The following NARS2 variants were observed in gnomAD, a reference collection of about 807,000 sequenced individuals.
NARS2 encodes asparaginyl-tRNA synthetase 2, mitochondrial.
In NARS2, 60 loss-of-function variants were observed where a neutral mutation model predicts 62.9. The ratio of observed to expected loss-of-function variants is 0.95; its 90% CI spans 0.77 to 1.18. The LOEUF is 1.18. NARS2 is among the 50% of genes most tolerant of loss of function. The pLI is 0.00. For synonymous variants in NARS2, 196 were observed against 200.0 expected (o/e 0.98, Z 0.17); for missense variants, 619 against 576.4 (o/e 1.07, Z -0.76).
chr11:78,558,118 G>A (rs1487051187), intron 5 of NARS2: 2 of 152,038 alleles, frequency 1.3e-5, no homozygotes, highest in Non-Finnish European at 2.9e-5. Flanking sequence ...AGTGCAAAGA[G>A]AAAATAAACA....
intron 5 of NARS2, among the ~76,000 whole-genome samples, chr11:78,537,949 A>G (rs1220791349): frequency 6.6e-6 from 1 of 152,212 alleles, no homozygotes; most frequent in African/African-American, 2.4e-5. Flanking sequence ...CCTATAGTCA[A>G]CTGCAGTCTG....
At chr11:78,471,147 G>C (rs1203570084) in intron 9 of NARS2, among the ~76,000 whole-genome samples, 1 of 152,070 alleles carries the variant, frequency 6.6e-6, no homozygotes, top group African/African-American at 2.4e-5. Flanking sequence ...TAATAATGGT[G>C]GTGGCAGTGG....
At position 78,539,790 on chromosome 11, in the gene NARS2, C is replaced by G. The variant is rs115469918; in HGVS notation, c.595-10854G>C. Among the ~76,000 whole-genome samples, 1,044 of 152,280 alleles carry G rather than the reference C, an allele frequency of 6.9e-3. 11 individuals are homozygous for G. The highest frequency in any genetic ancestry group is 0.024 in the African/African-American group (982 of 41,566). ...AGTCCAACATGTCCTGCAATATATA[C>G]AAAGTCCTGCGTAACTAAGCCTTTT... On this transcript the variant is annotated intron_variant, in intron 5 of 13. Coordinates refer to ENST00000281038, the MANE Select transcript of NARS2 (RefSeq NM_024678.6).
intron 13 of NARS2, among the ~76,000 whole-genome samples, chr11:78,438,823 A>G (rs1343995742): frequency 6.6e-6 from 1 of 152,238 alleles, no homozygotes; most frequent in East Asian, 1.9e-4. Context: ...GTGGAACACT[A>G]GCAGACATCA....
chr11:78,449,271 G>A (rs962523428), intron 11 of NARS2, among the ~76,000 whole-genome samples: 4 of 151,624 alleles, frequency 2.6e-5, no homozygotes, highest in African/African-American at 2.4e-5. Flanking sequence ...GAGTAGCTGG[G>A]ACTACAGGCA....
chr11:78,492,480 C>G (rs1336266927), intron 7 of NARS2, among the ~76,000 whole-genome samples: 1 of 152,120 alleles, frequency 6.6e-6, no homozygotes, highest in Non-Finnish European at 1.5e-5. Context: ...GGGTAAAGTT[C>G]AAACTCCTTA....
At chr11:78,518,523 CT>C (rs561847899) in intron 6 of NARS2, among the ~76,000 whole-genome samples, 170 of 146,046 alleles carry the variant, frequency 1.2e-3, no homozygotes, top group Admixed American at 1.4e-3. Context: ...CAAACAATTT[CT>C]TTTTTTTTTT....
intron 7 of NARS2, among the ~76,000 whole-genome samples, chr11:78,480,879 T>A (rs879281022): frequency 1.3e-5 from 2 of 151,732 alleles, no homozygotes; most frequent in Admixed American, 6.6e-5. Flanking sequence ...AGTGCAGTGG[T>A]GCCATCTCAG....
At chr11:78,568,180 T>C (rs947252542) in intron 3 of NARS2, among the ~76,000 whole-genome samples, 6 of 152,230 alleles carry the variant, frequency 3.9e-5, no homozygotes, top group Non-Finnish European at 8.8e-5. Flanking sequence ...AGTAGCCACA[T>C]GCAACTACTG....
chr11:78,488,826 C>A (rs1221467214), intron 7 of NARS2, among the ~76,000 whole-genome samples: 1 of 151,942 alleles, frequency 6.6e-6, no homozygotes, highest in African/African-American at 2.4e-5. Flanking sequence ...GACAAAGACC[C>A]AAAAGCAATT....
chr11:78,448,156 A>G (rs1349091808), intron 11 of NARS2, among the ~76,000 whole-genome samples: 2 of 152,190 alleles, frequency 1.3e-5, no homozygotes, highest in Admixed American at 6.5e-5. Flanking sequence ...ATTATACCCC[A>G]TAACGTTAGA....
In NARS2 at chr11:78,547,157, C is replaced by G. The variant is rs561494707; in HGVS notation, c.594+12382G>C. ...AACAGCCTGGACAACATAGCAAGAC[C>G]CTGTATCCATAAAAAATTTAAAAAT... On this transcript the variant is annotated intron_variant, in intron 5 of 13. Transcript: ENST00000281038. Among the ~76,000 whole-genome samples the G allele has an allele frequency of 5.9e-5, 9 of 152,008 alleles. No individual in the cohort carries two copies. The East Asian group carries it at 1.7e-3, about 29-fold the overall frequency.
At chr11:78,440,126 C>T (rs1027925047) in intron 13 of NARS2, among the ~76,000 whole-genome samples, 26 of 152,200 alleles carry the variant, frequency 1.7e-4, no homozygotes, top group Admixed American at 2.6e-4. Flanking sequence ...CGCAGTGGCA[C>T]GATCTTGGCT....
At chr11:78,497,824 C>T (rs951571484) in intron 6 of NARS2, among the ~76,000 whole-genome samples, 1 of 152,168 alleles carries the variant, frequency 6.6e-6, no homozygotes, top group African/African-American at 2.4e-5. Context: ...TTTCAACAAT[C>T]ATGTCATGTC....
At chr11:78,497,241 G>GC (rs1555023813) in intron 6 of NARS2, among the ~76,000 whole-genome samples, 68,259 of 107,732 alleles carry the variant, frequency 0.63, 21,226 homozygotes, top group Non-Finnish European at 0.74. Context: ...AAGCAAAATT[G>GC]AAAAAAAAAA....
chr11:78,471,921 T>C (rs1470815735), intron 9 of NARS2, among the ~76,000 whole-genome samples: 2 of 152,310 alleles, frequency 1.3e-5, no homozygotes, highest in African/African-American at 2.4e-5. Context: ...CATAAAGTTC[T>C]TTTCTGCTTA....
intron 3 of NARS2, 26 bp downstream of exon 3, chr11:78,568,606 C>G: frequency 4.4e-6 from 7 of 1,603,022 alleles, no homozygotes; most frequent in Non-Finnish European, 6.0e-6. Flanking sequence ...CCTAAACAGC[C>G]TCCACAAAAG....
At chr11:78,523,549 A>G (rs946737157) in intron 6 of NARS2, among the ~76,000 whole-genome samples, 1 of 152,256 alleles carries the variant, frequency 6.6e-6, no homozygotes, top group African/African-American at 2.4e-5. Flanking sequence ...AAGAGCCAAA[A>G]GTAGAAACAA....
intron 11 of NARS2, among the ~76,000 whole-genome samples, chr11:78,448,120 A>G (rs954151028): frequency 2.6e-5 from 4 of 152,214 alleles, no homozygotes; most frequent in African/African-American, 9.6e-5. Context: ...ATCATACCAC[A>G]TTGTATACAC....
Sources: gnomAD v4.1 joint callset for allele counts (sites outside exome capture counted in the v4.1 genomes callset) on GRCh38, gnomAD v4.1.1 for gene constraint, MANE v1.5 for transcripts, NCBI Gene and HGNC (gene_info 2026-07-23, HGNC 2026-07-21) for gene names.